The following KDM1A variants were observed in gnomAD, a reference collection of about 807,000 sequenced individuals.
KDM1A encodes lysine demethylase 1A.
In KDM1A, 49 loss-of-function variants were observed where a neutral mutation model predicts 109.4. The ratio of observed to expected loss-of-function variants is 0.45; its 90% CI spans 0.36 to 0.57. The LOEUF is 0.57. KDM1A is among the 20% of genes least tolerant of loss of function. KDM1A has a pLI of 0.00. For missense variants in KDM1A, 668 were observed against 1,116.6 expected (o/e 0.60, Z 5.73); for synonymous variants, 380 against 415.4 (o/e 0.91, Z 1.04).
chr1:23,061,767 G>A (rs649377), intron 9 of KDM1A, among the ~76,000 whole-genome samples: 1,914 of 150,804 alleles, frequency 0.013, 54 homozygotes, highest in African/African-American at 0.044. Flanking sequence ...AGTAATTCTC[G>A]TGCCTCAGCC....
chr1:23,072,519 T>G (rs1643349945), intron 14 of KDM1A, among the ~76,000 whole-genome samples: 1 of 152,246 alleles, frequency 6.6e-6, no homozygotes, highest in South Asian at 2.1e-4. Context: ...ACTTCCATAA[T>G]TTTGGAAACT....
Position 23,071,331 on chromosome 1 carries a change from AAC to A in KDM1A, c.1524_1525del (p.His508GlnfsTer11). On this transcript the variant is annotated frameshift_variant, in exon 13 of 21. Transcript: ENST00000400181. LOFTEE classifies it high-confidence loss of function. The stretch of plus-strand genomic sequence containing the variant: ...ACTGCCGAGTTCTTAGTGAAAAGCA[AAC>A]ACAGGGATCTGACCGCCCTATGCAA... 1 of 1,613,318 alleles carries A rather than the reference AAC, an allele frequency of 6.2e-7. No individual in the cohort carries two copies. The highest frequency in any genetic ancestry group is 2.2e-5 in the East Asian group (1 of 44,868).
chr1:23,076,037 TTGCAGAACTACCAG>T (rs1393398418), intron 15 of KDM1A, among the ~76,000 whole-genome samples: 6 of 152,212 alleles, frequency 3.9e-5, no homozygotes, highest in Non-Finnish European at 7.3e-5. Context: ...AGATAAAGTC[TTGCAGAACTACCAG>T]TTCCTTTGTG....
At position 23,057,469 on chromosome 1, in the gene KDM1A, T is replaced by C. The variant is rs1569749785; in HGVS notation, c.991-15T>C. On this transcript the variant is annotated splice_polypyrimidine_tract_variant and intron_variant, in intron 7 of 20. Transcript: ENST00000400181. Reference sequence around the variant, plus strand: ...AACAGAATTGATGATTTTGGCTACTTAATTTCTGAAACAGGATCGTGTGGG... The same window carrying C: ...AACAGAATTGATGATTTTGGCTACTCAATTTCTGAAACAGGATCGTGTGGG... 6.2e-7 allele frequency: 1 copy of C among 1,611,396 alleles called. No homozygotes were observed. The highest frequency in any genetic ancestry group is 1.1e-5 in the South Asian group (1 of 91,030).
rs1335869446 is a variant in KDM1A at position 23,041,541 on chromosome 1, C to G, written c.518-2886C>G. Among the ~76,000 whole-genome samples the G allele has an allele frequency of 2.9e-5, 4 of 138,610 alleles. No individual in the cohort carries two copies. The East Asian group carries it at 6.9e-4, about 24-fold the overall frequency. The allele number at this position is 138,610 out of a possible 152,430, so 90.9% of individuals were successfully genotyped here. Reference sequence around the variant, plus strand: ...CACTGCAACCTCCACCTCCCGAGTTCAAGCGATTCTCCTGCCTCAGCCTCC... The same window carrying G: ...CACTGCAACCTCCACCTCCCGAGTTGAAGCGATTCTCCTGCCTCAGCCTCC... On this transcript the variant is annotated intron_variant, in intron 2 of 20. Transcript: ENST00000400181.
Position 23,081,782 on chromosome 1 carries a change from C to G in KDM1A, c.2298+209C>G, listed in dbSNP as rs536403820. The G allele has an allele frequency of 1.3e-5, 7 of 545,466 alleles. No homozygotes were observed. The East Asian group carries it at 2.2e-4, about 17-fold the overall frequency. 33.8% of individuals were successfully genotyped at this position (545,466 alleles called of 1,614,324 possible). On this transcript the variant is annotated intron_variant, in intron 19 of 20. Transcript: ENST00000400181. ...AGCTGGGGAGTCTGAAGGCTGCTAGCTGCATTTCTCCTCCGGCTTTAGAGT... is the reference window on the plus strand; with the variant it reads ...AGCTGGGGAGTCTGAAGGCTGCTAGGTGCATTTCTCCTCCGGCTTTAGAGT...
At chr1:23,071,564 T>G (rs541378509) in intron 13 of KDM1A, among the ~76,000 whole-genome samples, 1 of 152,350 alleles carries the variant, frequency 6.6e-6, no homozygotes, top group South Asian at 2.1e-4. Context: ...TTATCCTGTC[T>G]TAATAATCTC....
rs745402417 is a variant in KDM1A at position 23,053,786 on chromosome 1, A to G, written c.737A>G (p.Lys246Arg). The G allele has an allele frequency of 6.2e-7, 1 of 1,610,948 alleles. No individual in the cohort carries two copies. Among genetic ancestry groups the G allele is most frequent in the South Asian group, 1.1e-5 (1 of 91,018 alleles). ...CTGCAGTTGTGGTTGGATAATCCAA[A>G]GATTCAGCTGACATTTGAGGCTACT... is the stretch of plus-strand genomic sequence containing the variant. ...RTLQLWLDNPKIQLTFEATLQ... is the reference protein window; with the variant it reads ...RTLQLWLDNPRIQLTFEATLQ... The change falls in exon 5 of 21, where the codon AAG (lysine) becomes AGG (arginine). Residue 246 changes from lysine (K) to arginine (R), a missense_variant. By Grantham distance (26) the Lys-to-Arg change is conservative. Transcript: ENST00000400181.
chr1:23,039,772 A>G (rs1642252447), intron 2 of KDM1A, among the ~76,000 whole-genome samples: 1 of 152,188 alleles, frequency 6.6e-6, no homozygotes, highest in Non-Finnish European at 1.5e-5. Flanking sequence ...AGCTTCCCTG[A>G]TTCTCCAAGA....
chr1:23,024,095 T>C (rs1043705487), intron 1 of KDM1A, among the ~76,000 whole-genome samples: 1 of 152,178 alleles, frequency 6.6e-6, no homozygotes, highest in South Asian at 2.1e-4. Flanking sequence ...TCATTCCTCC[T>C]GCCTCAGCCT....
At chr1:23,049,152 CAA>C (rs5773034) in intron 3 of KDM1A, among the ~76,000 whole-genome samples, 3,309 of 74,996 alleles carry the variant, frequency 0.044, 109 homozygotes, top group African/African-American at 0.17. Flanking sequence ...GACTCCCTCT[CAA>C]AAAAAAAAAA....
chr1:23,053,414 C>T (rs1642730733), intron 4 of KDM1A, among the ~76,000 whole-genome samples: 1 of 152,152 alleles, frequency 6.6e-6, no homozygotes, highest in African/African-American at 2.4e-5. Context: ...GAGGTAAGCT[C>T]TTGCTCTGTT....
intron 2 of KDM1A, among the ~76,000 whole-genome samples, chr1:23,035,349 T>C (rs1371018835): frequency 6.6e-6 from 1 of 152,092 alleles, no homozygotes; most frequent in Non-Finnish European, 1.5e-5. Context: ...ATTACAGGCA[T>C]GCGCCACTAC....
intron 2 of KDM1A, among the ~76,000 whole-genome samples, chr1:23,034,319 A>G (rs1468422803): frequency 2.0e-5 from 3 of 152,130 alleles, no homozygotes; most frequent in Non-Finnish European, 4.4e-5. Flanking sequence ...AAGTTTTTTT[A>G]GGTCATGCCA....
At chr1:23,020,594 T>C (rs937359207) in intron 1 of KDM1A, 3 of 151,982 alleles carry the variant, frequency 2.0e-5, no homozygotes, top group East Asian at 3.9e-4. Context: ...TGCAAATATA[T>C]GGGAAGAAAA....
chr1:23,022,206 T>G (rs1218243292), intron 1 of KDM1A, among the ~76,000 whole-genome samples: 13 of 152,220 alleles, frequency 8.5e-5, no homozygotes, highest in Non-Finnish European at 1.3e-4. Flanking sequence ...CTGGGTTTTA[T>G]GTTAATTCTA....
chr1:23,068,512 C>G (rs1643219660), intron 10 of KDM1A, 27 bp from the exon 11 acceptor site: 1 of 1,543,970 alleles, frequency 6.5e-7, no homozygotes, highest in East Asian at 2.3e-5. Context: ...TTATAAGGAC[C>G]AACTCTGCTA....
intron 12 of KDM1A, among the ~76,000 whole-genome samples, chr1:23,070,299 C>T (rs918848277): frequency 1.8e-4 from 27 of 152,040 alleles, no homozygotes; most frequent in Admixed American, 1.8e-3. Context: ...GGTGAAACCC[C>T]TTCTCTACTA....
At chr1:23,031,598 TC>T (rs1012248471) in intron 2 of KDM1A, among the ~76,000 whole-genome samples, 1 of 152,060 alleles carries the variant, frequency 6.6e-6, no homozygotes, top group Non-Finnish European at 1.5e-5. Flanking sequence ...AAGGGTTTTC[TC>T]CCCTATGGTG....
Sources: allele counts gnomAD v4.1 joint callset (sites outside exome capture counted in the v4.1 genomes callset), GRCh38; gene constraint gnomAD v4.1.1; transcripts MANE v1.5; gene names NCBI Gene and HGNC (gene_info 2026-07-23, HGNC 2026-07-21).